Variants in C2 observed in about 807,000 individuals in gnomAD.
C2 encodes the protein C3/C5 convertase.
A neutral mutation model predicts 85.2 loss-of-function variants in C2; 64 were observed. The ratio of observed to expected loss-of-function variants is 0.75; its 90% confidence interval spans 0.61 to 0.92. The LOEUF is 0.92. Ranked by LOEUF, C2 falls within the 40% of genes least tolerant of loss-of-function variation. The pLI is 0.00. For synonymous variants in C2, 311 were observed against 370.8 expected, an observed-to-expected ratio of 0.84 and a Z score of 1.85; for missense variants, 820 against 971.6, an observed-to-expected ratio of 0.84 and a Z score of 2.07.
chr6:31,923,223 C>G (rs1378325356), upstream of C2, among the ~76,000 whole-genome samples: 1 of 152,166 alleles, frequency 6.6e-6, no homozygotes, highest in Non-Finnish European at 1.5e-5. Flanking sequence ...ATGGTCCTTC[C>G]ACATTCGACT....
At position 31,927,795 on chromosome 6, in the gene C2, C is replaced by A; in HGVS notation, c.43C>A (p.Pro15Thr). 2 of 1,613,810 alleles carry A rather than the reference C, an allele frequency of 1.2e-6. No individual in the cohort carries two copies. The highest frequency in any genetic ancestry group is 2.7e-5 in the African/African-American group (2 of 75,020). Reference sequence around the variant, plus strand: ...TCTTTTTTGCCTGCTGTTCCTGTACCCAGGTAGGAGGCAGGGAAGGGGGAA... The same window carrying A: ...TCTTTTTTGCCTGCTGTTCCTGTACACAGGTAGGAGGCAGGGAAGGGGGAA... ...MVLFCLLFLY[P>T]GLADSAPSCP... Residue 15 changes from proline (P) to threonine (T), a missense_variant, in exon 1 of 18, where the codon CCA (proline) becomes ACA (threonine). Transcript: ENST00000299367. This position sits in a 1 kb window ranked among gnomAD's most constrained non-coding sequence, Gnocchi z 4.7.
intron 1 of C2, among the ~76,000 whole-genome samples, chr6:31,913,533 G>T (rs974167228): frequency 4.9e-4 from 74 of 152,174 alleles, no homozygotes; most frequent in African/African-American, 1.7e-3. Context: ...CTGAGACCGT[G>T]CCATTGCACT....
intron 9 of C2, 143 bp from the exon 10 acceptor site, chr6:31,942,816 C>A: frequency 1.1e-6 from 1 of 931,486 alleles, no homozygotes; most frequent in Non-Finnish European, 1.7e-6. Flanking sequence ...GAAATGAAGG[C>A]AGACAGGTAG....
At chr6:31,919,276 G>A (rs1768792970), upstream of C2, among the ~76,000 whole-genome samples, 1 of 151,724 alleles carries the variant, frequency 6.6e-6, no homozygotes, top group Non-Finnish European at 1.5e-5. Context: ...TCCTGAGTAG[G>A]TGGGGTGACA....
intron 1 of C2, among the ~76,000 whole-genome samples, chr6:31,914,740 G>A (rs1417974892): frequency 2.0e-5 from 3 of 151,352 alleles, no homozygotes; most frequent in Non-Finnish European, 4.4e-5. Flanking sequence ...GTGAAACCCC[G>A]TCTCTACTAA....
Position 31,910,301 on chromosome 6 carries a change from T to A in C2, c.73+9162T>A, listed in dbSNP as rs554335868. Among the ~76,000 whole-genome samples the A allele has an allele frequency of 1.3e-5, 2 of 151,992 alleles. 1 individual carries two copies. The highest frequency in any genetic ancestry group is 2.9e-5 in the Non-Finnish European group (2 of 67,992). The stretch of plus-strand genomic sequence containing the variant: ...TTCATGTCCTTGTTGGCCATTTGTG[T>A]GTCTTCTCTGGAGAAATATCTATTC... On this transcript the variant is annotated intron_variant, in intron 1 of 3. Transcript: ENST00000452202.
At position 31,944,683 on chromosome 6, in the gene C2, G is replaced by A. The variant is rs1012556002; in HGVS notation, c.1903-44G>A. On this transcript the variant is annotated intron_variant, in intron 15 of 17. Coordinates refer to ENST00000299367, the MANE Select transcript of C2 (RefSeq NM_000063.6). The surrounding 1 kb of genome is among the most constrained non-coding windows in gnomAD (Gnocchi z 5.1). ...GGCGTGAGCCACTGCACCCACCCGGGTCTGCTTATTCTACCCTTCTCTCTG... is the reference window on the plus strand; with the variant it reads ...GGCGTGAGCCACTGCACCCACCCGGATCTGCTTATTCTACCCTTCTCTCTG... 6.2e-7 allele frequency: 1 copy of A among 1,611,872 alleles called. No individual in the cohort carries two copies. The highest frequency in any genetic ancestry group is 8.5e-7 in the Non-Finnish European group (1 of 1,179,572).
chr6:31,937,560 G>A, intron 8 of C2, 101 bp downstream of exon 8: 1 of 1,474,760 alleles, frequency 6.8e-7, no homozygotes, highest in Non-Finnish European at 9.4e-7. Flanking sequence ...TGCCACTTTG[G>A]GCCCCAGTTT....
upstream of C2, among the ~76,000 whole-genome samples, chr6:31,926,627 C>T (rs550769201): frequency 1.8e-3 from 270 of 150,870 alleles, no homozygotes; most frequent in African/African-American, 6.4e-3. Flanking sequence ...TCACTGTGCC[C>T]GGTCTTATTT....
chr6:31,943,457 C>A lies in C2; in HGVS notation c.1497C>A (p.Asp499Glu). The A allele has an allele frequency of 6.2e-7, 1 of 1,613,098 alleles. No individual in the cohort carries two copies. Among genetic ancestry groups the A allele is most frequent in the South Asian group, 1.1e-5 (1 of 91,088 alleles). ...CCTGCCGGGGGGCCCTCATCTCCGA[C>A]CAATGGGTCCTGACAGCAGCTCATT... Reference protein sequence around the residue: ...QETCRGALISDQWVLTAAHCF... With the variant: ...QETCRGALISEQWVLTAAHCF... Residue 499 changes from aspartate (D) to glutamate (E), a missense_variant, in exon 12 of 18, where the codon GAC becomes GAA. Asp to Glu is a conservative substitution (Grantham distance 45). Coordinates refer to ENST00000299367, the MANE Select transcript of C2 (RefSeq NM_000063.6). This position sits in a 1 kb window ranked among gnomAD's most constrained non-coding sequence, Gnocchi z 6.4.
intron 1 of C2, among the ~76,000 whole-genome samples, chr6:31,911,616 CTG>C (rs953106557): frequency 8.0e-5 from 12 of 149,728 alleles, no homozygotes; most frequent in Admixed American, 6.7e-5. Flanking sequence ...GCCTGAGATT[CTG>C]TGTTTCTTTC....
Position 31,939,218 on chromosome 6 carries a change from C to T in C2, c.1130-13C>T. ...ATATTACCTAGAAGAATTCTTTATT[C>T]TCTTTGTTCTAGGAAAGTCCAATAT... On this transcript the variant is annotated splice_polypyrimidine_tract_variant and intron_variant, in intron 8 of 17. Transcript: ENST00000299367. 1 of 1,581,962 alleles carries T rather than the reference C, an allele frequency of 6.3e-7. No homozygotes were observed. The highest frequency in any genetic ancestry group is 1.3e-5 in the African/African-American group (1 of 74,440).
rs1315909281 is a variant in C2 at position 31,944,995 on chromosome 6, C to A, written c.2045C>A (p.Ala682Glu). ...ESPCKGESGG[A>E]VFLERRFRFF... ...TTGCTGGCAGGAGAATCTGGGGGAG[C>A]AGTTTTCCTTGAGCGGAGATTCAGG... Residue 682 changes from alanine to glutamate, a missense_variant, in exon 17 of 18, where the codon GCA becomes GAA. Coordinates refer to ENST00000299367, the MANE Select transcript of C2 (RefSeq NM_000063.6). The surrounding 1 kb of genome is among the most constrained non-coding windows in gnomAD (Gnocchi z 5.1). 3.7e-6 allele frequency: 6 copies of A among 1,613,068 alleles called. No individual in the cohort carries two copies. The highest frequency in any genetic ancestry group is 4.2e-6 in the Non-Finnish European group (5 of 1,180,038).
chr6:31,908,666 GA>G (rs1199879575), intron 1 of C2, among the ~76,000 whole-genome samples: 2 of 147,486 alleles, frequency 1.4e-5, no homozygotes, highest in East Asian at 4.0e-4. Flanking sequence ...AAAAAAAAAA[GA>G]AAAAAAGAAA....
upstream of C2, among the ~76,000 whole-genome samples, chr6:31,915,116 C>T (rs1223197848): frequency 1.3e-5 from 2 of 152,208 alleles, no homozygotes; most frequent in Non-Finnish European, 2.9e-5. Flanking sequence ...CTTAACTGGT[C>T]TTCCAGCCCC....
upstream of C2, among the ~76,000 whole-genome samples, chr6:31,916,433 C>T (rs1337139598): frequency 6.6e-6 from 1 of 152,058 alleles, no homozygotes; most frequent in Non-Finnish European, 1.5e-5. Flanking sequence ...GTGGCATGTG[C>T]CTGTCATCCC....
chr6:31,901,738 C>T (rs1767300702), intron 1 of C2: 1 of 196,684 alleles, frequency 5.1e-6, no homozygotes, highest in East Asian at 1.4e-4. Flanking sequence ...ACGTCCTCCC[C>T]CCCGCCGCCA....
Position 31,935,161 on chromosome 6 carries a change from A to G in C2, c.850-762A>G. The G allele has an allele frequency of 1.3e-6, 1 of 767,246 alleles. No individual in the cohort carries two copies. Among genetic ancestry groups the G allele is most frequent in the Non-Finnish European group, 1.6e-6 (1 of 630,446 alleles). The allele number at this position is 767,246 out of a possible 1,614,324, so 47.5% of individuals were successfully genotyped here. On this transcript the variant is annotated intron_variant, in intron 6 of 17. Transcript: ENST00000299367. This position sits in a 1 kb window ranked among gnomAD's most constrained non-coding sequence, Gnocchi z 4.3. ...TTATAGATGGTTTTCCCTCCCAGCT[A>G]CATTTTAAAGAGGGCAGTTTCTGTG...
chr6:31,920,050 A>C lies in C2; in HGVS notation c.-100+24A>C, dbSNP rs1166257048. ...GGGTGAGTAAGGCTACGAAATAGCTAATGAATTTGCCAAGCCAAACCTGAG... is the reference window on the plus strand; with the variant it reads ...GGGTGAGTAAGGCTACGAAATAGCTCATGAATTTGCCAAGCCAAACCTGAG... On this transcript the variant is annotated intron_variant, in intron 1 of 3. Transcript: ENST00000413154. The surrounding 1 kb of genome is among the most constrained non-coding windows in gnomAD (Gnocchi z 5.6). 1 of 152,242 alleles carries C rather than the reference A, an allele frequency of 6.6e-6. No homozygotes were observed. Among genetic ancestry groups the C allele is most frequent in the Non-Finnish European group, 1.5e-5 (1 of 68,064 alleles). 9.4% of individuals were successfully genotyped at this position (152,242 alleles called of 1,614,324 possible).
Sources: allele counts gnomAD v4.1 joint callset (sites outside exome capture counted in the v4.1 genomes callset), GRCh38; gene constraint gnomAD v4.1.1; non-coding constraint Gnocchi (gnomAD v3.1); transcripts MANE v1.5; gene names NCBI Gene and HGNC (gene_info 2026-07-23, HGNC 2026-07-21).